Variants in GLYR1 observed in about 807,000 individuals in gnomAD.
GLYR1 encodes the protein cytokine-like nuclear factor N-PAC.
GLYR1 carries 21 observed loss-of-function variants against 72.7 expected under a neutral mutation model. That is an observed-to-expected ratio of 0.29 (90% CI 0.20 to 0.42). The LOEUF is 0.42. Among genes scored for constraint, GLYR1 ranks in the 10% least tolerant of loss-of-function variants. GLYR1 has a pLI of 1.00. For synonymous variants in GLYR1, 392 were observed against 270.2 expected, an observed-to-expected ratio of 1.45 and a Z score of -4.42; for missense variants, 594 against 712.1, an observed-to-expected ratio of 0.83 and a Z score of 1.89.
chr16:4,828,048 G>A (rs957247383), intron 5 of GLYR1, among the ~76,000 whole-genome samples: 2 of 151,588 alleles, frequency 1.3e-5, no homozygotes, highest in African/African-American at 4.8e-5. Context: ...AAGCAATGAA[G>A]TATTTTTAAC....
At chr16:4,844,113 C>CAA (rs1190119741) in intron 3 of GLYR1, among the ~76,000 whole-genome samples, 31 of 69,150 alleles carry the variant, frequency 4.5e-4, no homozygotes, top group Admixed American at 1.0e-3. Context: ...AACTCCATCT[C>CAA]AAAAAAAAAA....
rs114884319 is a variant in GLYR1, at chr16:4,805,460, G to T, written c.1588-150C>A. On this transcript the variant is annotated intron_variant, in intron 15 of 15. Coordinates refer to ENST00000321919, the MANE Select transcript of GLYR1 (RefSeq NM_032569.4). ...GAATCCTGTGTTGACCTTGCATGAAGCACCTCCGTTTCTCTGGACCTCAGC... is the reference window on the plus strand; with the variant it reads ...GAATCCTGTGTTGACCTTGCATGAATCACCTCCGTTTCTCTGGACCTCAGC... 1,114 of 685,456 alleles carry T rather than the reference G, an allele frequency of 1.6e-3. 9 individuals carry two copies. In the African/African-American group the frequency reaches 0.017, roughly 11 times the overall value. 42.5% of individuals were successfully genotyped at this position (685,456 alleles called of 1,614,324 possible). A position where few individuals can be genotyped will look rare whatever the true frequency, so the allele number is the denominator to read the frequency against.
At position 4,804,933 on chromosome 16, in the gene GLYR1, C is replaced by CTGTGTGTGTGTGTGTGTGTGTGTGTG. The variant is rs143624351; in HGVS notation, c.*277_*302dup. On this transcript the variant is annotated 3_prime_UTR_variant, in exon 16 of 16. Coordinates refer to ENST00000321919, the MANE Select transcript of GLYR1 (RefSeq NM_032569.4). The stretch of plus-strand genomic sequence containing the variant: ...GCAGCTTCTATCCTGGGGCGAGAGC[C>CTGTGTGTGTGTGTGTGTGTGTGTGTG]TGTGTGTGTGTGTGTGTGTGTGTGT... The CTGTGTGTGTGTGTGTGTGTGTGTGTG allele has an allele frequency of 1.1e-3, 317 of 297,478 alleles. 3 individuals are homozygous for CTGTGTGTGTGTGTGTGTGTGTGTGTG. The highest frequency in any genetic ancestry group is 1.6e-3 in the African/African-American group (76 of 46,224). The allele number at this position is 297,478 out of a possible 1,614,324, so 18.4% of individuals were successfully genotyped here.
chr16:4,826,433 G>C (rs960392184), intron 5 of GLYR1, among the ~76,000 whole-genome samples: 1 of 152,116 alleles, frequency 6.6e-6, no homozygotes, highest in African/African-American at 2.4e-5. Flanking sequence ...TCCAGGGTCT[G>C]TCATATTAGA....
intron 5 of GLYR1, among the ~76,000 whole-genome samples, chr16:4,824,920 C>A (rs1307471864): frequency 6.6e-6 from 1 of 152,204 alleles, no homozygotes; most frequent in Non-Finnish European, 1.5e-5. Flanking sequence ...AACGCCTGCT[C>A]CATTCTACTA....
chr16:4,846,632 G>A lies in GLYR1; in HGVS notation c.39-422C>T, dbSNP rs1024928876. The A allele has an allele frequency of 1.2e-5, 3 of 258,128 alleles. No homozygotes were observed. In the Admixed American group the frequency reaches 1.4e-4, roughly 12 times the overall value. The allele number at this position is 258,128 out of a possible 1,614,324, so 16.0% of individuals were successfully genotyped here. A position where few individuals can be genotyped will look rare whatever the true frequency, so the allele number is the denominator to read the frequency against. On this transcript the variant is annotated intron_variant, in intron 1 of 15. Coordinates refer to ENST00000321919, the MANE Select transcript of GLYR1 (RefSeq NM_032569.4). ...GCAGCTCGAGGGAGGCGGCGACAAA[G>A]TCTTGGTTCGGGCGGTTGTCTGGGA...
intron 10 of GLYR1, 128 bp downstream of exon 10, chr16:4,817,470 C>A: frequency 1.6e-6 from 1 of 638,386 alleles, no homozygotes. Context: ...ACATCTCTAC[C>A]TGCCTGGACT....
Position 4,821,536 on chromosome 16 carries a change from A to G in GLYR1, c.732+11T>C. Reference sequence around the variant, plus strand: ...TGAAAATTAAAATGGGGAGGCATGGAGCCTACATACCTCTTCACATATTTT... The same window carrying G: ...TGAAAATTAAAATGGGGAGGCATGGGGCCTACATACCTCTTCACATATTTT... On this transcript the variant is annotated intron_variant, in intron 8 of 15. Transcript: ENST00000321919. 2 of 1,613,976 alleles carry G rather than the reference A, an allele frequency of 1.2e-6. No individual in the cohort carries two copies. The highest frequency in any genetic ancestry group is 1.7e-6 in the Non-Finnish European group (2 of 1,179,910).
At chr16:4,831,009 C>G (rs1407538187) in intron 5 of GLYR1, among the ~76,000 whole-genome samples, 1 of 152,214 alleles carries the variant, frequency 6.6e-6, no homozygotes, top group African/African-American at 2.4e-5. Context: ...GGCCTTGCCT[C>G]AAGTTCTTGA....
intron 3 of GLYR1, 178 bp from the exon 4 acceptor site, chr16:4,833,090 A>ACTTGAAAC: frequency 4.2e-6 from 2 of 480,368 alleles, no homozygotes; most frequent in Non-Finnish European, 7.1e-6. Flanking sequence ...TCTAAAGTAT[A>ACTTGAAAC]TTTTCTTGAA....
At chr16:4,809,767 T>G (rs1441333427) in intron 15 of GLYR1, among the ~76,000 whole-genome samples, 1 of 151,376 alleles carries the variant, frequency 6.6e-6, no homozygotes, top group Non-Finnish European at 1.5e-5. Context: ...CTACTAAAAA[T>G]ACAAAAATCA....
At chr16:4,809,357 T>C (rs1462391072) in intron 15 of GLYR1, among the ~76,000 whole-genome samples, 1 of 151,308 alleles carries the variant, frequency 6.6e-6, no homozygotes, top group East Asian at 2.0e-4. Flanking sequence ...GCCCAGCTAA[T>C]TTTTTGTATT....
intron 10 of GLYR1, among the ~76,000 whole-genome samples, chr16:4,815,533 G>T (rs1002376733): frequency 1.3e-5 from 2 of 151,928 alleles, no homozygotes; most frequent in Admixed American, 1.3e-4. Context: ...ACATCTTTAC[G>T]TACAAAACTT....
chr16:4,846,495 C>T lies in GLYR1; in HGVS notation c.39-285G>A, dbSNP rs554271766. ...AATGACGGGGGTGGGAGGACAGCTT[C>T]CTCTGTAAACACAGACTTTCCCTCC... On this transcript the variant is annotated intron_variant, in intron 1 of 15. Coordinates refer to ENST00000321919, the MANE Select transcript of GLYR1 (RefSeq NM_032569.4). Among the ~76,000 whole-genome samples, 14 of 152,374 alleles carry T rather than the reference C, an allele frequency of 9.2e-5. No homozygotes were observed. The South Asian group carries it at 2.1e-3, about 23-fold the overall frequency.
At chr16:4,846,300 C>G in intron 1 of GLYR1, 90 bp from the exon 2 acceptor site, 1 of 1,414,920 alleles carries the variant, frequency 7.1e-7, no homozygotes, top group East Asian at 2.3e-5. Context: ...TTTCCTAAAT[C>G]TCTGCTGGCA....
rs773446707 is a variant in GLYR1 at position 4,805,190 on chromosome 16, G to T, written c.*46C>A. The T allele has an allele frequency of 4.3e-5, 66 of 1,527,366 alleles. No homozygotes were observed. The Admixed American group carries it at 8.8e-4, about 20-fold the overall frequency. 94.6% of individuals were successfully genotyped at this position (1,527,366 alleles called of 1,614,324 possible). A position where few individuals can be genotyped will look rare whatever the true frequency, so the allele number is the denominator to read the frequency against. ...GCCCCCGACCCCATGTGAGGAAGAG[G>T]GGGTCAGAGGGGGGATTGGAGGGGT... On this transcript the variant is annotated 3_prime_UTR_variant, in exon 16 of 16. Transcript: ENST00000321919.
At chr16:4,814,803 G>A (rs1247529398) in intron 10 of GLYR1, among the ~76,000 whole-genome samples, 156 bp from the exon 11 acceptor site, 1 of 152,226 alleles carries the variant, frequency 6.6e-6, no homozygotes, top group Non-Finnish European at 1.5e-5. Context: ...CCAACTTTTG[G>A]GGAAGTGCAC....
At chr16:4,821,015 T>C (rs895285294) in intron 9 of GLYR1, among the ~76,000 whole-genome samples, 3 of 152,228 alleles carry the variant, frequency 2.0e-5, no homozygotes, top group African/African-American at 7.2e-5. Context: ...GCAGCAGCAG[T>C]ATACCTGGGA....
intron 15 of GLYR1, among the ~76,000 whole-genome samples, chr16:4,806,816 T>A (rs1287709675): frequency 6.6e-6 from 1 of 151,814 alleles, no homozygotes; most frequent in African/African-American, 2.4e-5. Context: ...TTTTTTTTTT[T>A]TTTGAGATGG....
Sources: allele counts gnomAD v4.1 joint callset (sites outside exome capture counted in the v4.1 genomes callset), GRCh38; gene constraint gnomAD v4.1.1; transcripts MANE v1.5; gene names NCBI Gene and HGNC (gene_info 2026-07-23, HGNC 2026-07-21).